The following PHACTR2 variants were observed in gnomAD, a reference collection of about 807,000 sequenced individuals.
The protein encoded by PHACTR2 is phosphatase and actin regulator 2.
In PHACTR2, 30 loss-of-function variants were observed where a neutral mutation model predicts 76.0. That is an observed-to-expected ratio of 0.39 (90% CI 0.30 to 0.54). The LOEUF (loss-of-function observed/expected upper bound fraction) is 0.54, where lower values mean the gene tolerates loss of function less well. Ranked by LOEUF, PHACTR2 falls within the 20% of genes least tolerant of loss-of-function variation. The pLI is 0.61. For missense variants in PHACTR2, 696 were observed against 781.1 expected (o/e 0.89, Z 1.30); for synonymous variants, 292 against 292.5 (o/e 1.00, Z 0.02).
At position 143,772,617 on chromosome 6, in the gene PHACTR2, C is replaced by T. The variant is rs971695525; in HGVS notation, c.1432+160C>T. On this transcript the variant is annotated intron_variant, in intron 7 of 12. Coordinates refer to ENST00000440869, the MANE Select transcript of PHACTR2 (RefSeq NM_001100164.2). This position sits in a 1 kb window ranked among gnomAD's most constrained non-coding sequence, Gnocchi z 5.4. ...GAAATGTGTATATCCTAAAGTTTAG[C>T]TTTTGATGGGAGGCCTTTCCAGAAG... Among the ~76,000 whole-genome samples, 2 of 152,190 alleles carry T rather than the reference C, an allele frequency of 1.3e-5. No individual in the cohort carries two copies. Among genetic ancestry groups the T allele is most frequent in the African/African-American group, 4.8e-5 (2 of 41,450 alleles).
At chr6:143,729,858 T>C (rs1190965748) in intron 2 of PHACTR2, among the ~76,000 whole-genome samples, 1 of 152,146 alleles carries the variant, frequency 6.6e-6, no homozygotes, top group Non-Finnish European at 1.5e-5. Flanking sequence ...TTAATTTTGA[T>C]GAAATACCAT....
Position 143,624,621 on chromosome 6 carries a change from A to C in PHACTR2, c.13+16299A>C, listed in dbSNP as rs1249818663. On this transcript the variant is annotated intron_variant, in intron 1 of 11. Coordinates refer to the PHACTR2 transcript ENST00000305766. The surrounding 1 kb of genome is among the most constrained non-coding windows in gnomAD (Gnocchi z 4.6). Reference sequence around the variant, plus strand: ...ATTTTCATGGTATGCGGCTTTTTTCACATGGCTAAATTCCAGCCTGTGTCT... The same window carrying C: ...ATTTTCATGGTATGCGGCTTTTTTCCCATGGCTAAATTCCAGCCTGTGTCT... Among the ~76,000 whole-genome samples the C allele has an allele frequency of 6.6e-6, 1 of 152,094 alleles. No individual in the cohort carries two copies. The highest frequency in any genetic ancestry group is 2.4e-5 in the African/African-American group (1 of 41,430).
intron 6 of PHACTR2, among the ~76,000 whole-genome samples, chr6:143,769,277 T>C (rs1308160858): frequency 2.0e-5 from 3 of 152,182 alleles, no homozygotes; most frequent in African/African-American, 4.8e-5. Context: ...TTGGAGGCCA[T>C]ATCCAAAAGG....
intron 1 of PHACTR2, among the ~76,000 whole-genome samples, chr6:143,687,008 A>G (rs933305504): frequency 2.6e-5 from 4 of 152,172 alleles, no homozygotes; most frequent in African/African-American, 2.4e-5. Flanking sequence ...GTCAGTGATG[A>G]AAATGAAAAC....
chr6:143,677,907 C>T (rs1210543824), upstream of PHACTR2: 1 of 499,308 alleles, frequency 2.0e-6, no homozygotes, highest in Non-Finnish European at 2.8e-6. Context: ...TCGCCCTCAC[C>T]CCCCTTCTTC....
intron 6 of PHACTR2, among the ~76,000 whole-genome samples, chr6:143,766,420 C>T (rs1779565309): frequency 6.6e-6 from 1 of 152,186 alleles, no homozygotes; most frequent in Non-Finnish European, 1.5e-5. Flanking sequence ...ACTCCAGAGT[C>T]TGATATGCCA....
intron 1 of PHACTR2, 28 bp from the exon 2 acceptor site, chr6:143,711,988 T>G: frequency 1.2e-6 from 2 of 1,604,052 alleles, no homozygotes; most frequent in Non-Finnish European, 1.7e-6. Context: ...TTTACAACCT[T>G]TCTCTGTCTA....
In PHACTR2 at chr6:143,639,594, T is replaced by C. The variant is rs1445762944; in HGVS notation, c.13+31272T>C. ...TAGGTTTGGGAGTGAGAAAGCCTGA[T>C]TATAGCGGGAGGGATTACTAACTCT... On this transcript the variant is annotated intron_variant, in intron 1 of 11. Coordinates refer to the PHACTR2 transcript ENST00000305766. This position sits in a 1 kb window ranked among gnomAD's most constrained non-coding sequence, Gnocchi z 5.0. 6.6e-6 allele frequency among the ~76,000 whole-genome samples: 1 copy of C among 152,076 alleles called. No individual in the cohort carries two copies. The highest frequency in any genetic ancestry group is 1.5e-5 in the Non-Finnish European group (1 of 68,010).
rs1285903836 is a variant in PHACTR2 at position 143,816,679 on chromosome 6, G to A, written c.1923-6995G>A. 6.0e-5 allele frequency among the ~76,000 whole-genome samples: 9 copies of A among 150,726 alleles called. No homozygotes were observed. The highest frequency in any genetic ancestry group is 1.2e-4 in the African/African-American group (5 of 40,828). On this transcript the variant is annotated intron_variant, in intron 12 of 12. Coordinates refer to ENST00000440869, the MANE Select transcript of PHACTR2 (RefSeq NM_001100164.2). This position sits in a 1 kb window ranked among gnomAD's most constrained non-coding sequence, Gnocchi z 4.5. ...ACTGCGATCCATGGGCAAATGGTGTGTGCAGGAAAAAAAAAAAAATCTTAC... is the reference window on the plus strand; with the variant it reads ...ACTGCGATCCATGGGCAAATGGTGTATGCAGGAAAAAAAAAAAAATCTTAC...
intron 1 of PHACTR2, among the ~76,000 whole-genome samples, chr6:143,559,982 A>C (rs1775242682): frequency 1.3e-5 from 2 of 152,044 alleles, no homozygotes; most frequent in Admixed American, 6.6e-5. Flanking sequence ...AAGGGCTGGG[A>C]TTACAGGTGT....
rs1466170796 is a variant in PHACTR2 at position 143,562,655 on chromosome 6, A to G, written c.217+25448A>G. On this transcript the variant is annotated intron_variant, in intron 1 of 11. Transcript: ENST00000367584. The surrounding 1 kb of genome is among the most constrained non-coding windows in gnomAD (Gnocchi z 5.1). ...TAATCCTGTCTTAAAATTTATGTAT[A>G]TACAATTCATGCCACAGACTCTCAT... Among the ~76,000 whole-genome samples the G allele has an allele frequency of 6.6e-6, 1 of 152,222 alleles. No individual in the cohort carries two copies. The highest frequency in any genetic ancestry group is 1.5e-5 in the Non-Finnish European group (1 of 68,046).
rs1000540785 is a variant in PHACTR2, at chr6:143,793,227, A to T, written c.1845+4317A>T. On this transcript the variant is annotated intron_variant, in intron 11 of 12. Coordinates refer to ENST00000440869, the MANE Select transcript of PHACTR2 (RefSeq NM_001100164.2). This position sits in a 1 kb window ranked among gnomAD's most constrained non-coding sequence, Gnocchi z 4.4. ...CTTTTGACTCTTGTTCTTTTGTTGG[A>T]AGGTAAAGCTCATTCATCTCTAGCT... Among the ~76,000 whole-genome samples the T allele has an allele frequency of 3.3e-5, 5 of 152,158 alleles. No homozygotes were observed. The highest frequency in any genetic ancestry group is 5.9e-5 in the Non-Finnish European group (4 of 68,012).
In PHACTR2 at chr6:143,760,475, A is replaced by C; in HGVS notation, c.529A>C (p.Lys177Gln). 6.2e-7 allele frequency: 1 copy of C among 1,613,858 alleles called. No homozygotes were observed. Among genetic ancestry groups the C allele is most frequent in the South Asian group, 1.1e-5 (1 of 91,076 alleles). The change falls in exon 5 of 13, where the codon AAA becomes CAA. Residue 177 changes from lysine to glutamine, a missense_variant. Lys to Gln is a moderately conservative substitution (Grantham distance 53, BLOSUM62 1). Around this residue, in one of 2 missense-constraint regions of PHACTR2, gnomAD observed 460 missense variants for 450.9 expected, o/e 1.02. Coordinates refer to ENST00000440869, the MANE Select transcript of PHACTR2 (RefSeq NM_001100164.2). The surrounding 1 kb of genome is among the most constrained non-coding windows in gnomAD (Gnocchi z 6.4). The part of the protein sequence containing the change: ...PPSAPPKPRP[K>Q]PKPKKSPVPP... ...TTCTGCTCCTCCTAAGCCTAGACCC[A>C]AACCTAAACCCAAAAAATCACCTGT...
rs76951971 is a variant in PHACTR2 at position 143,683,959 on chromosome 6, G to T, written c.46+5750G>T. On this transcript the variant is annotated intron_variant, in intron 1 of 12. Coordinates refer to ENST00000440869, the MANE Select transcript of PHACTR2 (RefSeq NM_001100164.2). The surrounding 1 kb of genome is among the most constrained non-coding windows in gnomAD (Gnocchi z 4.1). ...TACTGCTCTATACTTTGAATTTTTC[G>T]TGTAATATAACTTGAAAATACTTCC... Among the ~76,000 whole-genome samples, 1 of 152,058 alleles carries T rather than the reference G, an allele frequency of 6.6e-6. No individual in the cohort carries two copies. The highest frequency in any genetic ancestry group is 1.5e-5 in the Non-Finnish European group (1 of 67,986).
rs9403533 is a variant in PHACTR2, at chr6:143,806,032, A to G, written c.1846-1025A>G. ...ATTCTTAGTTTTGGCTGAAGAGTCC[A>G]TTTTGCCTAGAGGTTACAGGGGTGT... On this transcript the variant is annotated intron_variant, in intron 11 of 12. Transcript: ENST00000440869. The surrounding 1 kb of genome is among the most constrained non-coding windows in gnomAD (Gnocchi z 5.8). Among the ~76,000 whole-genome samples the G allele has an allele frequency of 3.9e-5, 6 of 152,010 alleles. No individual in the cohort carries two copies. The highest frequency in any genetic ancestry group is 1.5e-4 in the African/African-American group (6 of 41,368).
intron 1 of PHACTR2, among the ~76,000 whole-genome samples, chr6:143,567,502 G>A (rs773758771): frequency 7.2e-5 from 11 of 152,188 alleles, no homozygotes; most frequent in Non-Finnish European, 1.3e-4. Flanking sequence ...GGATTCAAGT[G>A]ATTCTTCTGT....
upstream of PHACTR2, among the ~76,000 whole-genome samples, chr6:143,676,972 A>G (rs1777260727): frequency 6.8e-6 from 1 of 146,902 alleles, no homozygotes. This position sits in a 1 kb window ranked among gnomAD's most constrained non-coding sequence, Gnocchi z 4.8. Context: ...TTAGAAAAAA[A>G]TGATTTTCAT....
Position 143,688,490 on chromosome 6 carries a change from G to T in PHACTR2, c.46+10281G>T, listed in dbSNP as rs111883978. On this transcript the variant is annotated intron_variant, in intron 1 of 12. Coordinates refer to ENST00000440869, the MANE Select transcript of PHACTR2 (RefSeq NM_001100164.2). This position sits in a 1 kb window ranked among gnomAD's most constrained non-coding sequence, Gnocchi z 5.2. ...GACAGGTCTGCTTGAAAACTTGTGG[G>T]CATCCCAGAGGTAACATAAGTCTAT... Among the ~76,000 whole-genome samples, 3 of 152,222 alleles carry T rather than the reference G, an allele frequency of 2.0e-5. 1 individual carries two copies. Among genetic ancestry groups the T allele is most frequent in the African/African-American group, 7.2e-5 (3 of 41,532 alleles).
chr6:143,786,271 A>G (rs1050484476), intron 10 of PHACTR2, among the ~76,000 whole-genome samples: 15 of 152,232 alleles, frequency 9.9e-5, no homozygotes, highest in Non-Finnish European at 2.1e-4. Flanking sequence ...AAATGCCGCC[A>G]TTCTTTTTGC....
Sources: gnomAD v4.1 joint callset for allele counts (sites outside exome capture counted in the v4.1 genomes callset) on GRCh38, gnomAD v4.1.1 for gene constraint, gnomAD v4.1.1 regional missense constraint, Gnocchi (gnomAD v3.1) non-coding constraint, MANE v1.5 for transcripts, NCBI Gene and HGNC (gene_info 2026-07-23, HGNC 2026-07-21) for gene names.